PRKG1: variants seen among roughly 807,000 people sequenced by gnomAD.
PRKG1 encodes the protein cGMP-dependent protein kinase 1.
Under a neutral mutation model 88.1 loss-of-function variants are expected in PRKG1, and 35 were observed. That is an observed-to-expected ratio of 0.40 (90% CI 0.30 to 0.53). The LOEUF is 0.53. PRKG1 is among the 20% of genes least tolerant of loss of function. The pLI is 0.59. For missense variants in PRKG1, 540 were observed against 839.8 expected (o/e 0.64, Z 4.41); for synonymous variants, 303 against 292.5 (o/e 1.04, Z -0.37).
rs1483070773 is a variant in PRKG1 at position 50,991,701 on chromosome 10, G to A, written c.266+57G>A. ...GTCCCGGCCCGCGGCGCAGAGGCTGGGGGCTCTGGCCGCGGCGGCGGGGGC... is the reference window on the plus strand; with the variant it reads ...GTCCCGGCCCGCGGCGCAGAGGCTGAGGGCTCTGGCCGCGGCGGCGGGGGC... On this transcript the variant is annotated intron_variant, in intron 1 of 17. Transcript: ENST00000401604. The surrounding 1 kb of genome is among the most constrained non-coding windows in gnomAD (Gnocchi z 4.5). 10 of 1,202,638 alleles carry A rather than the reference G, an allele frequency of 8.3e-6. No homozygotes were observed. The highest frequency in any genetic ancestry group is 7.3e-6 in the Non-Finnish European group (7 of 963,178). 74.5% of individuals were successfully genotyped at this position (1,202,638 alleles called of 1,614,324 possible).
At chr10:52,274,708 A>T (rs2132438029) in intron 12 of PRKG1, among the ~76,000 whole-genome samples, 1 of 151,328 alleles carries the variant, frequency 6.6e-6, no homozygotes, top group Non-Finnish European at 1.5e-5. Context: ...ACTTCTTTTC[A>T]TCTGGGTCAA....
intron 9 of PRKG1, among the ~76,000 whole-genome samples, chr10:52,177,774 A>T (rs369200861): frequency 6.6e-6 from 1 of 151,878 alleles, no homozygotes; most frequent in African/African-American, 2.4e-5. Context: ...TTTCAAATTT[A>T]CTGGTGTATA....
chr10:52,026,400 T>G (rs1014091015), intron 5 of PRKG1, among the ~76,000 whole-genome samples: 1 of 152,188 alleles, frequency 6.6e-6, no homozygotes, highest in African/African-American at 2.4e-5. Flanking sequence ...TGATTTGAGC[T>G]ACAGTGTGAA....
At position 51,074,636 on chromosome 10, in the gene PRKG1, G is replaced by A; in HGVS notation, c.46G>A (p.Glu16Lys). The A allele has an allele frequency of 1.2e-6, 2 of 1,614,060 alleles. No homozygotes were observed. The highest frequency in any genetic ancestry group is 1.7e-6 in the Non-Finnish European group (2 of 1,179,966). ...ACAGTACGCGCTCCAGGAGAAGATC[G>A]AGGAGCTGAGGCAGCGGGATGCTCT... ...DLQYALQEKI[E>K]ELRQRDALID... is the part of the protein sequence containing the mutation. Residue 16 changes from glutamate (E) to lysine (K), a missense_variant, in exon 1 of 18, where the codon GAG becomes AAG. Physicochemically the swap from Glu to Lys is moderately conservative, Grantham distance 56. Coordinates refer to ENST00000373980, the MANE Select transcript of PRKG1 (RefSeq NM_006258.4).
chr10:51,594,837 T>G (rs1028722061), intron 3 of PRKG1, among the ~76,000 whole-genome samples: 2 of 152,226 alleles, frequency 1.3e-5, no homozygotes, highest in African/African-American at 4.8e-5. Flanking sequence ...ATTGTTTGTC[T>G]TAGACTTTAG....
Position 51,882,340 on chromosome 10 carries a change from T to G in PRKG1, c.699-25167T>G, listed in dbSNP as rs1468753377. Among the ~76,000 whole-genome samples, 3 of 152,176 alleles carry G rather than the reference T, an allele frequency of 2.0e-5. No homozygotes were observed. In the East Asian group the frequency reaches 5.8e-4, roughly 29 times the overall value. On this transcript the variant is annotated intron_variant, in intron 4 of 17. Coordinates refer to ENST00000373980, the MANE Select transcript of PRKG1 (RefSeq NM_006258.4). ...CATTTATTTCTAGAAATCTCAGACA[T>G]GTCTCATGTGACTTCATAAATAAAT... is the stretch of plus-strand genomic sequence containing the variant.
chr10:51,245,674 G>A (rs1332578977), intron 2 of PRKG1: 3 of 152,002 alleles, frequency 2.0e-5, no homozygotes, highest in Non-Finnish European at 4.4e-5. Flanking sequence ...TATATATTAG[G>A]TTGCCAATAT....
chr10:51,479,935 A>C (rs894707231), intron 3 of PRKG1, among the ~76,000 whole-genome samples: 2 of 152,210 alleles, frequency 1.3e-5, no homozygotes, highest in African/African-American at 4.8e-5. Flanking sequence ...CATTCAGTTG[A>C]ATCACCAGTA....
intron 2 of PRKG1, among the ~76,000 whole-genome samples, chr10:51,451,749 A>G (rs1197920773): frequency 1.3e-5 from 2 of 151,960 alleles, no homozygotes; most frequent in Non-Finnish European, 2.9e-5. Flanking sequence ...TGTGCTCACA[A>G]TAAGTATTTG....
chr10:51,207,909 G>A (rs938783126), intron 2 of PRKG1, among the ~76,000 whole-genome samples: 1 of 152,130 alleles, frequency 6.6e-6, no homozygotes, highest in Non-Finnish European at 1.5e-5. Context: ...GATAGTTACA[G>A]TGTAGACATC....
intron 2 of PRKG1, among the ~76,000 whole-genome samples, chr10:51,294,977 G>A (rs1840680404): frequency 6.6e-6 from 1 of 152,072 alleles, no homozygotes; most frequent in Non-Finnish European, 1.5e-5. Context: ...CAGCTACTTG[G>A]GAGACTGAGG....
At chr10:51,262,042 A>G (rs10996392) in intron 2 of PRKG1, among the ~76,000 whole-genome samples, 17,168 of 151,412 alleles carry the variant, frequency 0.11, 1,344 homozygotes, top group African/African-American at 0.22. Flanking sequence ...GCCCGCCACT[A>G]TGCCCGGCTA....
chr10:51,438,404 A>C (rs1432382575), intron 2 of PRKG1, among the ~76,000 whole-genome samples: 2 of 151,908 alleles, frequency 1.3e-5, no homozygotes, highest in Admixed American at 1.3e-4. Context: ...TGAAGATAGA[A>C]CTTTATGATG....
chr10:51,515,317 C>A (rs186015828), intron 3 of PRKG1, among the ~76,000 whole-genome samples: 33 of 152,240 alleles, frequency 2.2e-4, no homozygotes, highest in Admixed American at 4.6e-4. Flanking sequence ...CTAAATTATT[C>A]TCAAATTTTA....
chr10:51,647,231 A>G (rs1839937472), intron 3 of PRKG1, among the ~76,000 whole-genome samples: 1 of 152,014 alleles, frequency 6.6e-6, no homozygotes, highest in African/African-American at 2.4e-5. Flanking sequence ...TTCTGATCCA[A>G]CAGTCTAGAC....
chr10:51,743,479 A>T (rs1837487767), intron 3 of PRKG1, among the ~76,000 whole-genome samples: 1 of 151,722 alleles, frequency 6.6e-6, no homozygotes. Context: ...GCCAGCGACA[A>T]GGCAACTGGC....
At chr10:52,191,770 A>G (rs534975872) in intron 9 of PRKG1, among the ~76,000 whole-genome samples, 10 of 152,330 alleles carry the variant, frequency 6.6e-5, no homozygotes, top group South Asian at 2.1e-4. Context: ...AAAGTTTTCA[A>G]TCAATATTTT....
At chr10:51,576,700 C>T (rs1248472454) in intron 3 of PRKG1, among the ~76,000 whole-genome samples, 1 of 151,858 alleles carries the variant, frequency 6.6e-6, no homozygotes, top group Non-Finnish European at 1.5e-5. Context: ...ATATCCCATT[C>T]CTAAGTGTTA....
intron 3 of PRKG1, among the ~76,000 whole-genome samples, chr10:51,594,768 CA>C (rs1838400113): frequency 6.6e-6 from 1 of 152,146 alleles, no homozygotes; most frequent in African/African-American, 2.4e-5. Flanking sequence ...TGGAACCACT[CA>C]GATGGCTTTC....
Sources: allele counts gnomAD v4.1 joint callset (sites outside exome capture counted in the v4.1 genomes callset), GRCh38; gene constraint gnomAD v4.1.1; non-coding constraint Gnocchi (gnomAD v3.1); transcripts MANE v1.5; gene names NCBI Gene and HGNC (gene_info 2026-07-23, HGNC 2026-07-21).